Variants in RCBTB1 observed in about 807,000 individuals in gnomAD.
The protein encoded by RCBTB1 is RCC1 and BTB domain-containing protein 1.
In RCBTB1, 46 loss-of-function variants were observed where a neutral mutation model predicts 62.4. That is an observed-to-expected ratio of 0.74 (90% CI 0.58 to 0.94). The LOEUF is 0.94. RCBTB1 is among the 40% of genes least tolerant of loss of function. The pLI, the probability that RCBTB1 is intolerant of heterozygous loss-of-function variation, is 0.00. For synonymous variants in RCBTB1, 222 were observed against 245.8 expected (o/e 0.90, Z 0.91); for missense variants, 565 against 654.9 (o/e 0.86, Z 1.50).
At chr13:49,574,470 T>C (rs921147051) in intron 2 of RCBTB1, among the ~76,000 whole-genome samples, 1 of 152,054 alleles carries the variant, frequency 6.6e-6, no homozygotes, top group African/African-American at 2.4e-5. Context: ...TGAACAAATA[T>C]TTCCAATGAA....
intron 9 of RCBTB1, chr13:49,546,847 G>T: frequency 1.7e-6 from 1 of 574,910 alleles, no homozygotes; most frequent in Non-Finnish European, 2.2e-6. Context: ...CTCCTGCCGT[G>T]CAACCCAGTT....
At chr13:49,538,894 T>C (rs2139122825) in intron 12 of RCBTB1, among the ~76,000 whole-genome samples, 1 of 151,722 alleles carries the variant, frequency 6.6e-6, no homozygotes, top group African/African-American at 2.4e-5. Flanking sequence ...TTAACTTTTT[T>C]TTTTTTTTTG....
Position 49,544,866 on chromosome 13 carries a change from G to A in RCBTB1, c.1046-3C>T. 8 of 1,607,190 alleles carry A rather than the reference G, an allele frequency of 5.0e-6. No homozygotes were observed. Among genetic ancestry groups the A allele is most frequent in the Non-Finnish European group, 6.8e-6 (8 of 1,177,578 alleles). On this transcript the variant is annotated splice_polypyrimidine_tract_variant and splice_region_variant and intron_variant, in intron 9 of 12. Transcript: ENST00000378302. ...AACTGTTAAAAAGTCTTCATGCTCTGAAGGCAACAAACATATATTAATATG... is the reference window on the plus strand; with the variant it reads ...AACTGTTAAAAAGTCTTCATGCTCTAAAGGCAACAAACATATATTAATATG...
chr13:49,551,084 C>A, intron 8 of RCBTB1: 1 of 446,534 alleles, frequency 2.2e-6, no homozygotes, highest in Non-Finnish European at 3.9e-6. Flanking sequence ...GTCTGGGTGA[C>A]AGAGACTCTG....
At chr13:49,563,355 CAAAA>C (rs57586924) in intron 4 of RCBTB1, among the ~76,000 whole-genome samples, 2 of 52,210 alleles carry the variant, frequency 3.8e-5, no homozygotes, top group South Asian at 1.0e-3. Context: ...GACCCTGCCT[CAAAA>C]AAAAAAAAAA....
intron 4 of RCBTB1, among the ~76,000 whole-genome samples, chr13:49,562,247 G>A (rs955208855): frequency 9.2e-5 from 14 of 152,080 alleles, no homozygotes; most frequent in Non-Finnish European, 1.6e-4. Context: ...AAAACAATGG[G>A]AATGTTAAAA....
intron 4 of RCBTB1, among the ~76,000 whole-genome samples, chr13:49,564,259 C>A (rs1177975629): frequency 6.6e-6 from 1 of 152,076 alleles, no homozygotes; most frequent in Non-Finnish European, 1.5e-5. Context: ...AAGCAATGCA[C>A]AAAGAAAGGA....
At chr13:49,535,851 C>T (rs1370223648) in intron 12 of RCBTB1, among the ~76,000 whole-genome samples, 3 of 151,908 alleles carry the variant, frequency 2.0e-5, no homozygotes, top group Admixed American at 6.6e-5. Context: ...GGTGAAACCC[C>T]GTCTCTACTA....
rs973331758 is a variant in RCBTB1, at chr13:49,569,996, A to G, written c.-41-2676T>C. On this transcript the variant is annotated intron_variant, in intron 2 of 12. Coordinates refer to ENST00000378302, the MANE Select transcript of RCBTB1 (RefSeq NM_018191.4). Reference sequence around the variant, plus strand: ...TACAAAACAGATGGAGAAAGGAGTCATAAGAAGTCAAGCCATATAAAGCCA... The same window carrying G: ...TACAAAACAGATGGAGAAAGGAGTCGTAAGAAGTCAAGCCATATAAAGCCA... Among the ~76,000 whole-genome samples, 7 of 152,222 alleles carry G rather than the reference A, an allele frequency of 4.6e-5. No individual in the cohort carries two copies. In the South Asian group the frequency reaches 6.2e-4, roughly 13 times the overall value.
chr13:49,575,264 C>T (rs1174687218), intron 2 of RCBTB1, among the ~76,000 whole-genome samples: 27 of 152,052 alleles, frequency 1.8e-4, no homozygotes, highest in Admixed American at 1.5e-3. Flanking sequence ...AAGATATTGG[C>T]GAGGCTGTAC....
chr13:49,541,902 T>G (rs1197787970), intron 10 of RCBTB1, 75 bp from the exon 11 acceptor site: 1 of 1,479,590 alleles, frequency 6.8e-7, no homozygotes, highest in Non-Finnish European at 9.0e-7. Context: ...CCTAATTAAG[T>G]TGATAAAATC....
At chr13:49,537,006 T>C (rs187764161) in intron 12 of RCBTB1, among the ~76,000 whole-genome samples, 3 of 152,208 alleles carry the variant, frequency 2.0e-5, no homozygotes, top group African/African-American at 7.2e-5. Flanking sequence ...GCATTGATGG[T>C]CTTAATATCC....
rs189651375 is a variant in RCBTB1, at chr13:49,575,314, T to C, written c.-42+5191A>G. 9.7e-4 allele frequency among the ~76,000 whole-genome samples: 147 copies of C among 152,202 alleles called. 1 individual carries two copies. The highest frequency in any genetic ancestry group is 3.2e-3 in the African/African-American group (134 of 41,530). Reference sequence around the variant, plus strand: ...TATACACTGTTAGTGGGAATGTAAATTAGTTCAGCCACTGTGGAAAGCAGT... The same window carrying C: ...TATACACTGTTAGTGGGAATGTAAACTAGTTCAGCCACTGTGGAAAGCAGT... On this transcript the variant is annotated intron_variant, in intron 2 of 12. Coordinates refer to ENST00000378302, the MANE Select transcript of RCBTB1 (RefSeq NM_018191.4).
intron 5 of RCBTB1, among the ~76,000 whole-genome samples, chr13:49,559,381 G>A (rs1962223130): frequency 6.6e-6 from 1 of 152,184 alleles, no homozygotes; most frequent in Non-Finnish European, 1.5e-5. Flanking sequence ...TGTTGGCTGG[G>A]CACGGTGGCT....
At chr13:49,567,367 GCT>G in intron 2 of RCBTB1, 47 bp from the exon 3 acceptor site, 5 of 1,433,154 alleles carry the variant, frequency 3.5e-6, no homozygotes, top group Admixed American at 4.1e-5. Context: ...TAGTCACTGA[GCT>G]AACTTTCAAA....
At chr13:49,580,038 G>A (rs1478837076) in intron 2 of RCBTB1, among the ~76,000 whole-genome samples, 1 of 152,084 alleles carries the variant, frequency 6.6e-6, no homozygotes. Context: ...TCAGCCATGT[G>A]CTCGAAAAGC....
intron 10 of RCBTB1, among the ~76,000 whole-genome samples, chr13:49,543,512 C>T (rs529046537): frequency 6.6e-6 from 1 of 152,212 alleles, no homozygotes; most frequent in Admixed American, 6.5e-5. Flanking sequence ...TGACATAGGG[C>T]TTTTCTGTTC....
chr13:49,561,450 G>C (rs1962424630), intron 4 of RCBTB1, among the ~76,000 whole-genome samples: 1 of 152,178 alleles, frequency 6.6e-6, no homozygotes, highest in South Asian at 2.1e-4. Context: ...AAGACTGAAA[G>C]AAAGAGTATA....
intron 12 of RCBTB1, among the ~76,000 whole-genome samples, chr13:49,540,048 T>C (rs780691181): frequency 1.3e-5 from 2 of 152,200 alleles, no homozygotes; most frequent in Non-Finnish European, 2.9e-5. Flanking sequence ...ACAACTTAGC[T>C]AGATATTTTG....
Sources: gnomAD v4.1 joint callset for allele counts (sites outside exome capture counted in the v4.1 genomes callset) on GRCh38, gnomAD v4.1.1 for gene constraint, MANE v1.5 for transcripts, NCBI Gene and HGNC (gene_info 2026-07-23, HGNC 2026-07-21) for gene names.